KCNIP1: variants seen among roughly 807,000 people sequenced by gnomAD.
KCNIP1 encodes potassium voltage-gated channel interacting protein 1.
Under a neutral mutation model 33.0 loss-of-function variants are expected in KCNIP1, and 18 were observed. The ratio of observed to expected loss-of-function variants is 0.55; its 90% CI spans 0.38 to 0.81. The LOEUF (loss-of-function observed/expected upper bound fraction) is 0.81, where lower values mean the gene tolerates loss of function less well. Among genes scored for constraint, KCNIP1 ranks in the 30% least tolerant of loss-of-function variants. The pLI is 0.00. For synonymous variants in KCNIP1, 93 were observed against 98.3 expected (o/e 0.95, Z 0.32); for missense variants, 238 against 271.6 (o/e 0.88, Z 0.87).
chr5:170,362,641 C>T (rs1214198975), intron 1 of KCNIP1, among the ~76,000 whole-genome samples: 1 of 152,192 alleles, frequency 6.6e-6, no homozygotes, highest in Non-Finnish European at 1.5e-5. Context: ...TATTTCTAGT[C>T]TGGCCAATTT....
At chr5:170,434,720 C>T (rs1265140530) in intron 1 of KCNIP1, among the ~76,000 whole-genome samples, 2 of 152,048 alleles carry the variant, frequency 1.3e-5, no homozygotes, top group Admixed American at 6.6e-5. Flanking sequence ...TTTGGGAGGC[C>T]GAGGCGGATG....
chr5:170,522,400 T>C (rs778044352), intron 1 of KCNIP1, among the ~76,000 whole-genome samples: 90 of 152,192 alleles, frequency 5.9e-4, no homozygotes, highest in Non-Finnish European at 4.1e-4. Flanking sequence ...CCCAGGCAGC[T>C]CTGCCTCAGG....
At chr5:170,503,943 CGTGCAG>C, upstream of KCNIP1, 12 of 602,068 alleles carry the variant, frequency 2.0e-5, no homozygotes, top group Non-Finnish European at 2.5e-5. Flanking sequence ...CCGCCCCCAC[CGTGCAG>C]CCCTCGCCCC....
intron 1 of KCNIP1, among the ~76,000 whole-genome samples, chr5:170,587,248 C>T (rs1295231570): frequency 6.6e-6 from 1 of 150,956 alleles, no homozygotes; most frequent in Admixed American, 6.6e-5. Flanking sequence ...ATGGTGAAAC[C>T]CTGTCTCTAC....
At chr5:170,562,017 A>G (rs1225986254) in intron 1 of KCNIP1, among the ~76,000 whole-genome samples, 1 of 152,266 alleles carries the variant, frequency 6.6e-6, no homozygotes, top group Non-Finnish European at 1.5e-5. Context: ...TGTCTCAATA[A>G]ACCCATCATA....
intron 1 of KCNIP1, among the ~76,000 whole-genome samples, chr5:170,587,608 G>A (rs1049521083): frequency 2.0e-5 from 3 of 152,122 alleles, no homozygotes; most frequent in East Asian, 1.9e-4. Flanking sequence ...CACATTCCTT[G>A]TCTCACGGCC....
intron 1 of KCNIP1, among the ~76,000 whole-genome samples, chr5:170,644,227 GCT>G (rs1183666195): frequency 6.6e-6 from 1 of 152,196 alleles, no homozygotes; most frequent in African/African-American, 2.4e-5. Flanking sequence ...GTGACCTCAG[GCT>G]CTGTGTCAGG....
intron 1 of KCNIP1, among the ~76,000 whole-genome samples, chr5:170,647,825 G>T (rs1760848511): frequency 1.3e-5 from 2 of 152,010 alleles, no homozygotes; most frequent in South Asian, 4.1e-4. Flanking sequence ...GCAATGTTAA[G>T]AGAATGAGAA....
chr5:170,488,959 G>A (rs772163690), intron 1 of KCNIP1, among the ~76,000 whole-genome samples: 9 of 152,224 alleles, frequency 5.9e-5, no homozygotes, highest in African/African-American at 1.4e-4. Context: ...ACAGTGAGGT[G>A]TGGGGTGTAA....
Position 170,734,031 on chromosome 5 carries a change from G to GCAA in KCNIP1, c.603+138_603+140dup, listed in dbSNP as rs887026322. The GCAA allele has an allele frequency of 7.2e-5, 47 of 656,740 alleles. No individual in the cohort carries two copies. The African/African-American group carries it at 7.9e-4, about 11-fold the overall frequency. The allele number at this position is 656,740 out of a possible 1,614,324, so 40.7% of individuals were successfully genotyped here. A position where few individuals can be genotyped will look rare whatever the true frequency, so the allele number is the denominator to read the frequency against. On this transcript the variant is annotated intron_variant, in intron 7 of 7. Transcript: ENST00000328939. ...CCTCCCATCAGAGCCAACAACACCA[G>GCAA]CAACAACTGTGAAGTCCACAGTTCC...
chr5:170,662,489 T>C (rs1761538106), intron 1 of KCNIP1, among the ~76,000 whole-genome samples: 1 of 152,172 alleles, frequency 6.6e-6, no homozygotes, highest in African/African-American at 2.4e-5. Flanking sequence ...CTCCAGGAGA[T>C]GCTAATCTCT....
At chr5:170,415,276 A>G (rs1162376207) in intron 1 of KCNIP1, among the ~76,000 whole-genome samples, 1 of 152,002 alleles carries the variant, frequency 6.6e-6, no homozygotes. Context: ...CCTGTCCCTC[A>G]CATTTCCCTC....
intron 1 of KCNIP1, among the ~76,000 whole-genome samples, chr5:170,565,079 A>G (rs1455639613): frequency 3.3e-5 from 5 of 152,124 alleles, no homozygotes; most frequent in African/African-American, 1.2e-4. Context: ...GTGCCTTTCA[A>G]CCTTCCTTTA....
intron 1 of KCNIP1, among the ~76,000 whole-genome samples, chr5:170,710,317 C>T (rs1561777579): frequency 3.3e-5 from 5 of 152,140 alleles, no homozygotes; most frequent in Admixed American, 2.0e-4. Flanking sequence ...TTTTTCAATT[C>T]TACAATTTTT....
rs1161919829 is a variant in KCNIP1 at position 170,735,977 on chromosome 5, G to T, written c.*171G>T. ...TTTCTATGGAACCCAGCATCATGTGGCTCAGTCTCTGATTGCCAACTCTTC... is the reference window on the plus strand; with the variant it reads ...TTTCTATGGAACCCAGCATCATGTGTCTCAGTCTCTGATTGCCAACTCTTC... On this transcript the variant is annotated 3_prime_UTR_variant, in exon 8 of 8. Transcript: ENST00000328939. 1.7e-6 allele frequency: 1 copy of T among 588,692 alleles called. No individual in the cohort carries two copies. The highest frequency in any genetic ancestry group is 3.0e-6 in the Non-Finnish European group (1 of 331,726). 36.5% of individuals were successfully genotyped at this position (588,692 alleles called of 1,614,324 possible). A position where few individuals can be genotyped will look rare whatever the true frequency, so the allele number is the denominator to read the frequency against.
chr5:170,718,872 G>T lies in KCNIP1; in HGVS notation c.176G>T (p.Gly59Val), dbSNP rs145062462. ...TKRELQVLYR[G>V]FKNECPSGVV... ...AGGGAGCTGCAGGTCCTTTATCGAGGCTTCAAAAATGTAAGACCCGTGCAC... is the reference window on the plus strand; with the variant it reads ...AGGGAGCTGCAGGTCCTTTATCGAGTCTTCAAAAATGTAAGACCCGTGCAC... The change falls in exon 2 of 8, where the codon GGC (glycine) becomes GTC (valine). Residue 59 changes from glycine (G) to valine (V), a missense_variant. By Grantham distance (109) the Gly-to-Val change is moderately radical (BLOSUM62 -3). Transcript: ENST00000328939. 6.2e-7 allele frequency: 1 copy of T among 1,610,278 alleles called. No individual in the cohort carries two copies. The highest frequency in any genetic ancestry group is 8.5e-7 in the Non-Finnish European group (1 of 1,178,880).
At chr5:170,615,043 C>T (rs1759314639) in intron 1 of KCNIP1, among the ~76,000 whole-genome samples, 1 of 152,220 alleles carries the variant, frequency 6.6e-6, no homozygotes, top group South Asian at 2.1e-4. Context: ...GGCGAAACCC[C>T]ATCTTTACTA....
chr5:170,525,745 G>T (rs1755541862), intron 1 of KCNIP1, among the ~76,000 whole-genome samples: 1 of 152,190 alleles, frequency 6.6e-6, no homozygotes, highest in South Asian at 2.1e-4. Context: ...TGGGAGTAAG[G>T]GTGGGCAGAG....
intron 1 of KCNIP1, among the ~76,000 whole-genome samples, chr5:170,551,240 C>A (rs544107248): frequency 6.6e-6 from 1 of 152,370 alleles, no homozygotes; most frequent in South Asian, 2.1e-4. Context: ...GAATGCACTG[C>A]AATGTTCCTT....
Sources: gnomAD v4.1 joint callset for allele counts (sites outside exome capture counted in the v4.1 genomes callset) on GRCh38, gnomAD v4.1.1 for gene constraint, MANE v1.5 for transcripts, NCBI Gene and HGNC (gene_info 2026-07-23, HGNC 2026-07-21) for gene names.